Variants in CLYBL observed in about 807,000 individuals in gnomAD.
CLYBL encodes citramalyl-CoA lyase, also known as citramalyl-CoA lyase, mitochondrial.
Under a neutral mutation model 38.9 loss-of-function variants are expected in CLYBL, and 31 were observed. The ratio of observed to expected loss-of-function variants is 0.80; its 90% CI spans 0.60 to 1.08. The LOEUF (loss-of-function observed/expected upper bound fraction) is 1.08. Among genes scored for constraint, CLYBL ranks in the 50% least tolerant of loss-of-function variants. The pLI, the probability that CLYBL is intolerant of heterozygous loss-of-function variation, is 0.00. For synonymous variants in CLYBL, 171 were observed against 158.6 expected (o/e 1.08, Z -0.59); for missense variants, 434 against 411.6 (o/e 1.05, Z -0.47).
chr13:99,830,883 T>C (rs995396526), intron 2 of CLYBL, among the ~76,000 whole-genome samples: 4 of 152,150 alleles, frequency 2.6e-5, no homozygotes, highest in African/African-American at 9.7e-5. Context: ...GGAAAAATGG[T>C]CTTTGCCGAT....
intron 8 of CLYBL, among the ~76,000 whole-genome samples, chr13:99,904,806 C>T (rs1401656593): frequency 6.6e-6 from 1 of 152,156 alleles, no homozygotes; most frequent in Non-Finnish European, 1.5e-5. Flanking sequence ...CAAGTGAGTC[C>T]CACAGCCCCG....
intron 1 of CLYBL, among the ~76,000 whole-genome samples, chr13:99,652,563 A>G (rs1478284731): frequency 6.6e-6 from 1 of 152,140 alleles, no homozygotes; most frequent in Non-Finnish European, 1.5e-5. Flanking sequence ...TAAAAAGCAG[A>G]TATCCTGGGA....
chr13:99,776,542 G>A (rs1019366202), intron 2 of CLYBL, among the ~76,000 whole-genome samples: 8 of 150,530 alleles, frequency 5.3e-5, no homozygotes, highest in African/African-American at 2.0e-4. Context: ...CTCTATCTAG[G>A]ACTTAATTTT....
At chr13:99,703,105 G>A (rs2048093819) in intron 1 of CLYBL, among the ~76,000 whole-genome samples, 1 of 152,200 alleles carries the variant, frequency 6.6e-6, no homozygotes, top group African/African-American at 2.4e-5. Flanking sequence ...AGACTATTAT[G>A]CAAACAGGAC....
intron 1 of CLYBL, among the ~76,000 whole-genome samples, chr13:99,747,611 A>G (rs2048876641): frequency 6.6e-6 from 1 of 152,170 alleles, no homozygotes; most frequent in South Asian, 2.1e-4. Flanking sequence ...TTTGGGATTC[A>G]TGAATGGTCA....
intron 2 of CLYBL, among the ~76,000 whole-genome samples, chr13:99,857,085 C>T (rs559954592): frequency 1.1e-4 from 16 of 151,476 alleles, no homozygotes; most frequent in Admixed American, 2.6e-4. Context: ...GAGGCTGAGG[C>T]GGGTGGATCA....
intron 2 of CLYBL, among the ~76,000 whole-genome samples, chr13:99,814,385 G>A (rs1476329090): frequency 6.6e-6 from 1 of 152,140 alleles, no homozygotes; most frequent in Non-Finnish European, 1.5e-5. Context: ...ACCTCCTAGA[G>A]TTTTCCCAAA....
rs774090851 is a variant in CLYBL at position 99,730,831 on chromosome 13, C to G, written c.63-41993C>G. 1.5e-4 allele frequency among the ~76,000 whole-genome samples: 23 copies of G among 152,182 alleles called. No homozygotes were observed. The South Asian group carries it at 2.7e-3, about 18-fold the overall frequency. ...GGCACGGTGGCTCACGCCTGTAATCCTAGCACTTTGGGAGGCCGAGGCAGG... is the reference window on the plus strand; with the variant it reads ...GGCACGGTGGCTCACGCCTGTAATCGTAGCACTTTGGGAGGCCGAGGCAGG... On this transcript the variant is annotated intron_variant, in intron 1 of 8. Coordinates refer to ENST00000339105, the MANE Select transcript of CLYBL (RefSeq NM_206808.5).
chr13:99,702,447 A>G (rs940983726), intron 1 of CLYBL, among the ~76,000 whole-genome samples: 1 of 152,058 alleles, frequency 6.6e-6, no homozygotes, highest in African/African-American at 2.4e-5. Context: ...CCTGATCAAC[A>G]TGGTGAAACC....
intron 1 of CLYBL, among the ~76,000 whole-genome samples, chr13:99,767,521 T>C (rs576958621): frequency 2.0e-4 from 31 of 152,366 alleles, no homozygotes; most frequent in Middle Eastern, 3.4e-3. Flanking sequence ...TCAGCCATTA[T>C]CTTTTCAAAA....
chr13:99,840,073 C>G (rs558577974), intron 2 of CLYBL, among the ~76,000 whole-genome samples: 3 of 151,010 alleles, frequency 2.0e-5, no homozygotes, highest in African/African-American at 7.3e-5. Flanking sequence ...CCCCACCCCA[C>G]GCTGGGAACT....
rs117848765 is a variant in CLYBL, at chr13:99,807,131, C to A, written c.249+34121C>A. 8.7e-3 allele frequency among the ~76,000 whole-genome samples: 1,320 copies of A among 152,322 alleles called. 17 individuals carry two copies. Among genetic ancestry groups the A allele is most frequent in the South Asian group, 0.057 (273 of 4,828 alleles). ...GCCTCCTGTCTCCAGCCAGTTCAAC[C>A]TTCACTGCTAATTCCTGTGGCTCCT... On this transcript the variant is annotated intron_variant, in intron 2 of 8. Transcript: ENST00000339105.
chr13:99,856,112 C>T (rs1335209083), intron 2 of CLYBL, among the ~76,000 whole-genome samples: 1 of 152,138 alleles, frequency 6.6e-6, no homozygotes, highest in Non-Finnish European at 1.5e-5. Flanking sequence ...CATTTGCAGC[C>T]AATTTCACAA....
intron 1 of CLYBL, among the ~76,000 whole-genome samples, chr13:99,689,128 TC>T (rs961542559): frequency 2.0e-5 from 3 of 152,184 alleles, no homozygotes; most frequent in Non-Finnish European, 4.4e-5. Flanking sequence ...CCTTGGGACT[TC>T]ACATAAATTC....
At chr13:99,680,240 G>C (rs2047715738) in intron 1 of CLYBL, among the ~76,000 whole-genome samples, 1 of 152,098 alleles carries the variant, frequency 6.6e-6, no homozygotes, top group African/African-American at 2.4e-5. Flanking sequence ...TTAATTTCTA[G>C]AGCACCATTT....
chr13:99,729,101 C>T (rs2048535522), intron 1 of CLYBL, among the ~76,000 whole-genome samples: 1 of 152,176 alleles, frequency 6.6e-6, no homozygotes, highest in Admixed American at 6.5e-5. Flanking sequence ...GGATGAAGGG[C>T]TGTGTTAAAA....
chr13:99,703,433 G>A (rs960528499), intron 1 of CLYBL, among the ~76,000 whole-genome samples: 1 of 152,030 alleles, frequency 6.6e-6, no homozygotes, highest in East Asian at 1.9e-4. Flanking sequence ...GCAGTGGCGC[G>A]ATCTCGGCTC....
At chr13:99,686,090 T>G (rs1404366583) in intron 1 of CLYBL, among the ~76,000 whole-genome samples, 1 of 152,158 alleles carries the variant, frequency 6.6e-6, no homozygotes, top group African/African-American at 2.4e-5. Context: ...TTTCCCCCTT[T>G]ATTCTCTTTT....
At chr13:99,616,959 A>G (rs1027367393) in intron 1 of CLYBL, among the ~76,000 whole-genome samples, 2 of 151,286 alleles carry the variant, frequency 1.3e-5, no homozygotes, top group Non-Finnish European at 2.9e-5. Context: ...CCGTCTCAAT[A>G]ATAATAATAA....
Sources: allele counts gnomAD v4.1 joint callset (sites outside exome capture counted in the v4.1 genomes callset), GRCh38; gene constraint gnomAD v4.1.1; transcripts MANE v1.5; gene names NCBI Gene and HGNC (gene_info 2026-07-23, HGNC 2026-07-21).